Variants in PSMG2 observed in about 807,000 individuals in gnomAD.
The protein encoded by PSMG2 is proteasome assembly chaperone 2.
PSMG2 carries 21 observed loss-of-function variants against 31.5 expected under a neutral mutation model. That is an observed-to-expected ratio of 0.67 (90% CI 0.47 to 0.96). The LOEUF (loss-of-function observed/expected upper bound fraction) is 0.96. PSMG2 is among the 40% of genes least tolerant of loss of function. The pLI is 0.00. For synonymous variants in PSMG2, 120 were observed against 110.4 expected (o/e 1.09, Z -0.54); for missense variants, 318 against 321.2 (o/e 0.99, Z 0.08).
chr18:12,701,444 T>C (rs114355824), upstream of PSMG2, among the ~76,000 whole-genome samples: 1 of 152,174 alleles, frequency 6.6e-6, no homozygotes, highest in Non-Finnish European at 1.5e-5. Flanking sequence ...TTGATCTGCC[T>C]AATGATAAGG....
chr18:12,672,701 A>G, intron 1 of PSMG2: 3 of 972,190 alleles, frequency 3.1e-6, no homozygotes, highest in Non-Finnish European at 3.7e-6. Flanking sequence ...AAAATACCCA[A>G]TTCATTTTTA....
At chr18:12,677,893 G>A (rs2039200932) in intron 1 of PSMG2, among the ~76,000 whole-genome samples, 1 of 152,172 alleles carries the variant, frequency 6.6e-6, no homozygotes, top group African/African-American at 2.4e-5. Context: ...CTAGGAGGAA[G>A]TAATTCATTC....
intron 1 of PSMG2, chr18:12,680,665 T>C (rs1263479970): frequency 1.2e-6 from 2 of 1,604,242 alleles, no homozygotes; most frequent in Non-Finnish European, 1.7e-6. Context: ...AACTAACCTG[T>C]GTCCTGTTAA....
intron 1 of PSMG2, chr18:12,685,315 T>A (rs2039504096): frequency 6.6e-6 from 1 of 152,126 alleles, no homozygotes; most frequent in Non-Finnish European, 1.5e-5. Flanking sequence ...TTCTCTTTTT[T>A]AAAGATGTAT....
At chr18:12,705,464 G>A (rs12969446) in intron 1 of PSMG2, among the ~76,000 whole-genome samples, 59,126 of 151,648 alleles carry the variant, frequency 0.39, 11,945 homozygotes, top group Non-Finnish European at 0.45. Context: ...ATGTGGAGAC[G>A]TCCATTAGGT....
At position 12,706,663 on chromosome 18, in the gene PSMG2, A is replaced by C; in HGVS notation, c.171A>C (p.Gly57=). ...CCGATTGTCTTGTGCCAATGGTTGG[A>C]AACAATCCATATGCGACCACAGAAG... ...FYTDCLVPMV[G]NNPYATTEGN... is the part of the protein sequence containing the mutation. The change falls in exon 2 of 7, where the codon GGA becomes GGC. Residue 57 remains glycine (G), a synonymous_variant. Transcript: ENST00000317615. 6.2e-7 allele frequency: 1 copy of C among 1,613,822 alleles called. No individual in the cohort carries two copies. Among genetic ancestry groups the C allele is most frequent in the Middle Eastern group, 1.7e-4 (1 of 6,060 alleles).
In PSMG2 at chr18:12,724,629, A is replaced by G. The variant is rs375315495; in HGVS notation, c.702+10A>G. The stretch of plus-strand genomic sequence containing the variant: ...GATACTCAAACCACTTGTAAGTTCT[A>G]TTATAGCTTAAGCCTCTTCTTTGTC... On this transcript the variant is annotated intron_variant, in intron 6 of 6. Coordinates refer to ENST00000317615, the MANE Select transcript of PSMG2 (RefSeq NM_020232.5). 19 of 1,591,810 alleles carry G rather than the reference A, an allele frequency of 1.2e-5. No individual in the cohort carries two copies. Among genetic ancestry groups the G allele is most frequent in the Middle Eastern group, 1.7e-4 (1 of 5,996 alleles).
chr18:12,702,650 G>A, upstream of PSMG2: 1 of 1,340,330 alleles, frequency 7.5e-7, no homozygotes, highest in South Asian at 1.3e-5. Flanking sequence ...GGAGCACAAA[G>A]CGCCGCAGCC....
chr18:12,716,593 A>C (rs1047018951), intron 3 of PSMG2, among the ~76,000 whole-genome samples: 40 of 151,812 alleles, frequency 2.6e-4, no homozygotes, highest in African/African-American at 7.7e-4. Context: ...ACGGGGTTTC[A>C]CCGTGTTAGC....
chr18:12,713,763 C>A (rs556319520), intron 3 of PSMG2, among the ~76,000 whole-genome samples: 1 of 151,710 alleles, frequency 6.6e-6, no homozygotes, highest in African/African-American at 2.4e-5. Context: ...TCAATAATTT[C>A]TTTCTTTTTT....
At chr18:12,693,869 G>A (rs2039856226) in intron 1 of PSMG2, among the ~76,000 whole-genome samples, 1 of 152,150 alleles carries the variant, frequency 6.6e-6, no homozygotes, top group South Asian at 2.1e-4. Context: ...GTCTTAGTCT[G>A]TAACCCAGGC....
intron 1 of PSMG2, among the ~76,000 whole-genome samples, chr18:12,669,995 CA>C (rs112045361): frequency 2.9e-4 from 38 of 128,916 alleles, no homozygotes; most frequent in Admixed American, 5.8e-4. Flanking sequence ...CAAACTGTCT[CA>C]AAAAAAAAAA....
intron 3 of PSMG2, among the ~76,000 whole-genome samples, chr18:12,715,289 G>A (rs2040366557): frequency 6.6e-6 from 1 of 152,096 alleles, no homozygotes; most frequent in African/African-American, 2.4e-5. Context: ...GATTACAGGT[G>A]TGAGCCACCA....
At chr18:12,680,891 A>G (rs2039323292) in intron 1 of PSMG2, 1 of 1,371,164 alleles carries the variant, frequency 7.3e-7, no homozygotes, top group Non-Finnish European at 9.9e-7. Flanking sequence ...ACATACTTAA[A>G]TACTAAATTA....
chr18:12,703,190 T>G (rs2040216681), intron 1 of PSMG2, 26 bp downstream of exon 1: 3 of 1,595,054 alleles, frequency 1.9e-6, no homozygotes, highest in East Asian at 4.6e-5. Flanking sequence ...CGCTCGGGGC[T>G]GCCGCCTCCC....
intron 1 of PSMG2, among the ~76,000 whole-genome samples, chr18:12,691,000 GTTAA>G (rs943809108): frequency 6.6e-5 from 10 of 151,516 alleles, no homozygotes; most frequent in African/African-American, 2.2e-4. Context: ...TGTCCAAATG[GTTAA>G]TTATTTAGCA....
chr18:12,723,363 CTA>C (rs1246467611), intron 5 of PSMG2, among the ~76,000 whole-genome samples: 1 of 151,846 alleles, frequency 6.6e-6, no homozygotes, highest in Non-Finnish European at 1.5e-5. Context: ...TGATAGGAGA[CTA>C]TGTTTTGGAG....
chr18:12,697,698 T>C lies in PSMG2; in HGVS notation c.-36-8852T>C, dbSNP rs185862938. Among the ~76,000 whole-genome samples, 3 of 152,308 alleles carry C rather than the reference T, an allele frequency of 2.0e-5. No individual in the cohort carries two copies. The East Asian group carries it at 5.8e-4, about 29-fold the overall frequency. On this transcript the variant is annotated intron_variant, in intron 1 of 6. Coordinates refer to the PSMG2 transcript ENST00000585331. Reference sequence around the variant, plus strand: ...GTTCTTTAAAAGTACTTAACTAAAGTATATGCTACTACAATAAAAAGCCTT... The same window carrying C: ...GTTCTTTAAAAGTACTTAACTAAAGCATATGCTACTACAATAAAAAGCCTT...
intron 1 of PSMG2, among the ~76,000 whole-genome samples, chr18:12,673,789 G>A (rs1226630650): frequency 6.6e-6 from 1 of 152,158 alleles, no homozygotes; most frequent in Non-Finnish European, 1.5e-5. Flanking sequence ...GCTGAGGCAG[G>A]AGAATCGCTT....
Sources: allele counts gnomAD v4.1 joint callset (sites outside exome capture counted in the v4.1 genomes callset), GRCh38; gene constraint gnomAD v4.1.1; transcripts MANE v1.5; gene names NCBI Gene and HGNC (gene_info 2026-07-23, HGNC 2026-07-21).